Variants in PRKN observed in about 807,000 individuals in gnomAD.
PRKN encodes the protein E3 ubiquitin-protein ligase parkin.
PRKN carries 56 observed loss-of-function variants against 59.5 expected under a neutral mutation model. The ratio of observed to expected loss-of-function variants is 0.94; its 90% CI spans 0.76 to 1.18. The LOEUF is 1.18. PRKN is among the 50% of genes most tolerant of loss of function. The pLI is 0.00. For synonymous variants in PRKN, 250 were observed against 222.1 expected (o/e 1.13, Z -1.12); for missense variants, 657 against 596.4 (o/e 1.10, Z -1.06).
intron 6 of PRKN, among the ~76,000 whole-genome samples, chr6:161,797,967 C>T (rs1026758445): frequency 2.6e-5 from 4 of 152,058 alleles, no homozygotes; most frequent in Non-Finnish European, 5.9e-5. Context: ...TTTGGGAGGC[C>T]GAGGTGGGTG....
At chr6:162,215,031 G>A (rs1164115492) in intron 3 of PRKN, among the ~76,000 whole-genome samples, 1 of 151,948 alleles carries the variant, frequency 6.6e-6, no homozygotes, top group Admixed American at 6.6e-5. Context: ...TTCCCCATCT[G>A]CAACCTTATT....
intron 5 of PRKN, among the ~76,000 whole-genome samples, chr6:162,012,658 C>T (rs143780816): frequency 1.3e-5 from 2 of 152,200 alleles, no homozygotes; most frequent in Middle Eastern, 3.4e-3. Context: ...GTAAATTGAA[C>T]CAATTATATC....
intron 7 of PRKN, among the ~76,000 whole-genome samples, chr6:161,719,335 A>G (rs1321094065): frequency 6.6e-6 from 1 of 152,170 alleles, no homozygotes; most frequent in East Asian, 1.9e-4. Flanking sequence ...GCAAAGTTTC[A>G]GAAGACTACC....
At chr6:162,140,268 T>C (rs1249335104) in intron 4 of PRKN, among the ~76,000 whole-genome samples, 1 of 152,214 alleles carries the variant, frequency 6.6e-6, no homozygotes, top group Non-Finnish European at 1.5e-5. Flanking sequence ...TTCTAGCCTT[T>C]TGCTTTTCAT....
chr6:162,220,749 G>A (rs1248519569), intron 3 of PRKN, among the ~76,000 whole-genome samples: 1 of 152,198 alleles, frequency 6.6e-6, no homozygotes, highest in Non-Finnish European at 1.5e-5. Context: ...CCAAGGGGAG[G>A]GGCAGGCAGC....
At chr6:161,834,497 G>A (rs1445788301) in intron 6 of PRKN, among the ~76,000 whole-genome samples, 3 of 152,132 alleles carry the variant, frequency 2.0e-5, no homozygotes, top group South Asian at 2.1e-4. Flanking sequence ...AACTTGTTTG[G>A]GAAATGGTAA....
At chr6:161,494,908 C>T (rs182822676) in intron 9 of PRKN, among the ~76,000 whole-genome samples, 109 of 152,276 alleles carry the variant, frequency 7.2e-4, no homozygotes, top group African/African-American at 2.6e-3. Flanking sequence ...TCCCTTGCTC[C>T]GCCTTGAACT....
chr6:162,545,645 A>T (rs1005144396), intron 1 of PRKN, among the ~76,000 whole-genome samples: 24 of 152,212 alleles, frequency 1.6e-4, no homozygotes, highest in Admixed American at 7.9e-4. Context: ...TAGTATTTTT[A>T]AAAAATTATA....
intron 6 of PRKN, among the ~76,000 whole-genome samples, chr6:161,917,229 C>T (rs946266955): frequency 6.6e-6 from 1 of 152,110 alleles, no homozygotes; most frequent in African/African-American, 2.4e-5. Context: ...CCTCAGCCTC[C>T]CGAGTAGCTG....
rs1779919242 is a variant in PRKN, at chr6:161,549,406, T to G, written c.934-403A>C. Among the ~76,000 whole-genome samples the G allele has an allele frequency of 1.3e-5, 2 of 152,216 alleles. No homozygotes were observed. The highest frequency in any genetic ancestry group is 4.1e-4 in the South Asian group (2 of 4,828). ...TTTTAATACATCGCTATCAATCTTATAAAGCAATATATTGTCATGCCTCTA... is the reference window on the plus strand; with the variant it reads ...TTTTAATACATCGCTATCAATCTTAGAAAGCAATATATTGTCATGCCTCTA... On this transcript the variant is annotated intron_variant, in intron 8 of 11. Coordinates refer to ENST00000366898, the MANE Select transcript of PRKN (RefSeq NM_004562.3). This position sits in a 1 kb window ranked among gnomAD's most constrained non-coding sequence, Gnocchi z 6.0.
At chr6:161,972,076 C>T (rs1410828955) in intron 6 of PRKN, among the ~76,000 whole-genome samples, 1 of 152,042 alleles carries the variant, frequency 6.6e-6, no homozygotes, top group Non-Finnish European at 1.5e-5. Flanking sequence ...GAGTTCGAGA[C>T]CAGCCTGACC....
chr6:162,111,051 CAG>C (rs1349353783), intron 4 of PRKN, among the ~76,000 whole-genome samples: 2 of 152,142 alleles, frequency 1.3e-5, no homozygotes, highest in Non-Finnish European at 2.9e-5. Context: ...AGAAGAAAAA[CAG>C]ATGTCCACAG....
chr6:161,862,906 C>G (rs543069860), intron 6 of PRKN, among the ~76,000 whole-genome samples: 18 of 152,060 alleles, frequency 1.2e-4, no homozygotes, highest in Non-Finnish European at 2.4e-4. Flanking sequence ...TACAAGACAC[C>G]ATGATCATAT....
chr6:161,929,674 C>T (rs1779098504), intron 6 of PRKN, among the ~76,000 whole-genome samples: 1 of 151,934 alleles, frequency 6.6e-6, no homozygotes, highest in African/African-American at 2.4e-5. Context: ...CAGGCACACG[C>T]CACCACACCT....
chr6:161,469,220 C>G (rs1047912603), intron 9 of PRKN, among the ~76,000 whole-genome samples: 3 of 152,136 alleles, frequency 2.0e-5, no homozygotes, highest in Admixed American at 2.0e-4. Flanking sequence ...CCAGGCTGTT[C>G]TTGTGATAGT....
intron 2 of PRKN, among the ~76,000 whole-genome samples, chr6:162,340,652 A>G (rs1784137300): frequency 6.6e-6 from 1 of 152,216 alleles, no homozygotes; most frequent in Non-Finnish European, 1.5e-5. Context: ...GATCCTTGAC[A>G]AACCTGACAA....
intron 4 of PRKN, among the ~76,000 whole-genome samples, chr6:162,081,569 T>C (rs1343247110): frequency 6.6e-6 from 1 of 152,122 alleles, no homozygotes; most frequent in East Asian, 1.9e-4. Flanking sequence ...AACCGTGCTG[T>C]AAACAGGTGT....
At chr6:161,858,857 A>ATTTTTTTTTT (rs1491531194) in intron 6 of PRKN, among the ~76,000 whole-genome samples, 54 of 55,914 alleles carry the variant, frequency 9.7e-4, no homozygotes, top group African/African-American at 1.2e-3. Context: ...GCACAGCTGT[A>ATTTTTTTTTT]CTTTTTTTTT....
chr6:162,395,554 C>T (rs1349801608), intron 2 of PRKN, among the ~76,000 whole-genome samples: 1 of 152,204 alleles, frequency 6.6e-6, no homozygotes, highest in Admixed American at 6.5e-5. Context: ...GCCCAGCAGT[C>T]TCTCCACAAT....
Sources: allele counts gnomAD v4.1 joint callset (sites outside exome capture counted in the v4.1 genomes callset), GRCh38; gene constraint gnomAD v4.1.1; non-coding constraint Gnocchi (gnomAD v3.1); transcripts MANE v1.5; gene names NCBI Gene and HGNC (gene_info 2026-07-23, HGNC 2026-07-21).